Variants in CREB3L1 observed in about 807,000 individuals in gnomAD.
CREB3L1 encodes cyclic AMP-responsive element-binding protein 3-like protein 1.
A neutral mutation model predicts 54.5 loss-of-function variants in CREB3L1; 33 were observed. The ratio of observed to expected loss-of-function variants is 0.61; its 90% CI spans 0.46 to 0.81. The LOEUF is 0.81. Ranked by LOEUF, CREB3L1 falls within the 30% of genes least tolerant of loss-of-function variation. The pLI is 0.00. For missense variants in CREB3L1, 656 were observed against 673.3 expected (o/e 0.97, Z 0.29); for synonymous variants, 284 against 286.4 (o/e 0.99, Z 0.08).
intron 1 of CREB3L1, among the ~76,000 whole-genome samples, chr11:46,292,401 G>A (rs11038853): frequency 0.011 from 1,707 of 152,282 alleles, 31 homozygotes; most frequent in African/African-American, 0.039. Flanking sequence ...CAGTCACTCC[G>A]TGAATGCCTG....
intron 1 of CREB3L1, among the ~76,000 whole-genome samples, chr11:46,281,843 C>T (rs1938980106): frequency 6.6e-6 from 1 of 152,014 alleles, no homozygotes; most frequent in Admixed American, 6.5e-5. Context: ...AAGTTCTCAC[C>T]AACAGGAAAG....
At chr11:46,304,820 T>C (rs902486689) in intron 2 of CREB3L1, among the ~76,000 whole-genome samples, 20 of 151,990 alleles carry the variant, frequency 1.3e-4, no homozygotes, top group Admixed American at 1.1e-3. Context: ...GCCTCCCAAA[T>C]TGCTGAGATT....
intron 3 of CREB3L1, among the ~76,000 whole-genome samples, chr11:46,308,363 GA>G (rs1449107459): frequency 5.9e-5 from 9 of 152,008 alleles, no homozygotes; most frequent in Non-Finnish European, 1.3e-4. Context: ...TTTTAAAAAA[GA>G]AAAAAGACCA....
Position 46,299,915 on chromosome 11 carries a change from C to T in CREB3L1, c.103-20C>T, listed in dbSNP as rs773155658. The T allele has an allele frequency of 3.1e-6, 5 of 1,593,516 alleles. No homozygotes were observed. The highest frequency in any genetic ancestry group is 2.7e-5 in the African/African-American group (2 of 74,630). ...AAGCAAAGCTGAATTCCCTCTTCCC[C>T]TCACCTCTTCCTTCCCTAGCACTTT... On this transcript the variant is annotated intron_variant, in intron 1 of 11. Coordinates refer to ENST00000621158, the MANE Select transcript of CREB3L1 (RefSeq NM_052854.4).
chr11:46,300,866 G>T (rs1328991985), intron 2 of CREB3L1, among the ~76,000 whole-genome samples: 3 of 152,178 alleles, frequency 2.0e-5, no homozygotes, highest in Middle Eastern at 3.4e-3. Flanking sequence ...TTACCCGGGG[G>T]TGGTGGCGGG....
chr11:46,300,256 A>T, intron 2 of CREB3L1, 93 bp downstream of exon 2: 2 of 956,144 alleles, frequency 2.1e-6, no homozygotes, highest in Non-Finnish European at 3.2e-6. Context: ...CTGCAGCCTG[A>T]GACTCCCAGA....
chr11:46,320,585 C>T, intron 11 of CREB3L1, 57 bp downstream of exon 11: 1 of 1,549,044 alleles, frequency 6.5e-7, no homozygotes, highest in East Asian at 2.4e-5. Flanking sequence ...GCCTCCTGCC[C>T]ACCCTTGGTC....
At chr11:46,310,894 C>A in intron 4 of CREB3L1, 138 bp from the exon 5 acceptor site, 1 of 1,337,182 alleles carries the variant, frequency 7.5e-7, no homozygotes, top group Non-Finnish European at 9.9e-7. Flanking sequence ...CTTCTGATGT[C>A]ATAGCTGAGA....
rs985204755 is a variant in CREB3L1, at chr11:46,295,626, G to A, written c.103-4309G>A. On this transcript the variant is annotated intron_variant, in intron 1 of 11. Coordinates refer to ENST00000621158, the MANE Select transcript of CREB3L1 (RefSeq NM_052854.4). This position sits in a 1 kb window ranked among gnomAD's most constrained non-coding sequence, Gnocchi z 4.6. ...CGCGCGAGCCCTGCACTCCTCCGGT[G>A]CCCTCCACGCCGCCACCGGCTGCTG... 2.0e-5 allele frequency among the ~76,000 whole-genome samples: 3 copies of A among 152,196 alleles called. No homozygotes were observed. The highest frequency in any genetic ancestry group is 4.8e-5 in the African/African-American group (2 of 41,450).
intron 8 of CREB3L1, 97 bp downstream of exon 8, chr11:46,313,016 A>G: frequency 1.1e-6 from 1 of 936,002 alleles, no homozygotes. Context: ...AGGAGAGAGA[A>G]CTAAGTTTAG....
intron 1 of CREB3L1, among the ~76,000 whole-genome samples, chr11:46,289,592 TG>T (rs774671547): frequency 1.3e-5 from 2 of 152,110 alleles, no homozygotes; most frequent in Non-Finnish European, 2.9e-5. Context: ...GCATTTGAGT[TG>T]GCCCCTTAAA....
At position 46,284,850 on chromosome 11, in the gene CREB3L1, A is replaced by T. The variant is rs79671207; in HGVS notation, c.102+6637A>T. 4.8e-3 allele frequency among the ~76,000 whole-genome samples: 736 copies of T among 152,246 alleles called. 6 individuals are homozygous for T. Among genetic ancestry groups the T allele is most frequent in the African/African-American group, 0.017 (694 of 41,538 alleles). On this transcript the variant is annotated intron_variant, in intron 1 of 11. Transcript: ENST00000621158. ...TGAGATTTCCCCTCTAGAGCAAGGA[A>T]AATTCAGGATCTTTCATATCACAGG...
Position 46,288,591 on chromosome 11 carries a change from T to G in CREB3L1, c.102+10378T>G, listed in dbSNP as rs560874862. Among the ~76,000 whole-genome samples the G allele has an allele frequency of 1.9e-3, 291 of 152,284 alleles. 1 individual carries two copies. The highest frequency in any genetic ancestry group is 3.2e-3 in the Non-Finnish European group (216 of 68,014). ...TCTGGAGATGGAAGGCTCTTTCCTTTGGGTAAAGCCAAAAAGCCCCAGGCC... is the reference window on the plus strand; with the variant it reads ...TCTGGAGATGGAAGGCTCTTTCCTTGGGGTAAAGCCAAAAAGCCCCAGGCC... On this transcript the variant is annotated intron_variant, in intron 1 of 11. Transcript: ENST00000621158.
chr11:46,283,840 G>A (rs1385604664), intron 1 of CREB3L1, among the ~76,000 whole-genome samples: 4 of 151,930 alleles, frequency 2.6e-5, no homozygotes, highest in East Asian at 1.9e-4. Flanking sequence ...CTATTATCAC[G>A]CCACTGCACT....
At position 46,311,179 on chromosome 11, in the gene CREB3L1, C is replaced by A; in HGVS notation, c.743C>A (p.Thr248Asn). ...STAISTSPLL[T>N]APHKLQGTSG... Reference sequence around the variant, plus strand: ...GCCATCTCCACCTCCCCACTCCTCACTGCCCCTCACGTAAGGAGCTGGGGG... The same window carrying A: ...GCCATCTCCACCTCCCCACTCCTCAATGCCCCTCACGTAAGGAGCTGGGGG... Residue 248 changes from threonine (T) to asparagine (N), a missense_variant, in exon 5 of 12, where the codon ACT (threonine) becomes AAT (asparagine). Coordinates refer to ENST00000621158, the MANE Select transcript of CREB3L1 (RefSeq NM_052854.4). 1.3e-6 allele frequency: 2 copies of A among 1,587,176 alleles called. No individual in the cohort carries two copies. The highest frequency in any genetic ancestry group is 1.7e-5 in the Admixed American group (1 of 57,846).
At chr11:46,287,622 A>C (rs1590338924) in intron 1 of CREB3L1, among the ~76,000 whole-genome samples, 1 of 152,250 alleles carries the variant, frequency 6.6e-6, no homozygotes, top group East Asian at 1.9e-4. Context: ...TTGTGGGTAC[A>C]TAGTAGGTTA....
chr11:46,315,250 T>A, intron 8 of CREB3L1: 1 of 226,942 alleles, frequency 4.4e-6, no homozygotes. Flanking sequence ...CCCACCCCTC[T>A]GTCTCTGGCT....
In CREB3L1 at chr11:46,320,872, A is replaced by G. The variant is rs1590354918; in HGVS notation, c.*126A>G. The G allele has an allele frequency of 9.8e-7, 1 of 1,016,452 alleles. No homozygotes were observed. Among genetic ancestry groups the G allele is most frequent in the East Asian group, 2.6e-5 (1 of 38,500 alleles). The allele number at this position is 1,016,452 out of a possible 1,614,324, so 63.0% of individuals were successfully genotyped here. On this transcript the variant is annotated 3_prime_UTR_variant, in exon 12 of 12. Coordinates refer to ENST00000621158, the MANE Select transcript of CREB3L1 (RefSeq NM_052854.4). ...TTCCCATTCCAGGAGAAAAGGCTCC[A>G]CTTCCCAGCCCTTCCTTGCCCCTGA...
chr11:46,304,602 A>G (rs1425612837), intron 2 of CREB3L1, among the ~76,000 whole-genome samples: 1 of 152,062 alleles, frequency 6.6e-6, no homozygotes, highest in Non-Finnish European at 1.5e-5. Flanking sequence ...CCTCCCCCCA[A>G]ACCCCATGAA....
Sources: allele counts gnomAD v4.1 joint callset (sites outside exome capture counted in the v4.1 genomes callset), GRCh38; gene constraint gnomAD v4.1.1; non-coding constraint Gnocchi (gnomAD v3.1); transcripts MANE v1.5; gene names NCBI Gene and HGNC (gene_info 2026-07-23, HGNC 2026-07-21).